The following NLRP1 variants were observed in gnomAD, a reference collection of about 807,000 sequenced individuals.
The protein encoded by NLRP1 is NACHT, LRR and PYD domains-containing protein 1.
NLRP1 carries 94 observed loss-of-function variants against 136.7 expected under a neutral mutation model. That is an observed-to-expected ratio of 0.69 (90% CI 0.58 to 0.82). NLRP1 has a LOEUF of 0.82. Among genes scored for constraint, NLRP1 ranks in the 40% least tolerant of loss-of-function variants. NLRP1 has a pLI of 0.00. For missense variants in NLRP1, 1,575 were observed against 1,802.7 expected (o/e 0.87, Z 2.29); for synonymous variants, 690 against 725.1 (o/e 0.95, Z 0.78).
chr17:5,530,445 C>T (rs755786339), intron 12 of NLRP1, 36 bp downstream of exon 12: 1 of 1,578,062 alleles, frequency 6.3e-7, no homozygotes, highest in South Asian at 1.1e-5. Context: ...CCCATAATTA[C>T]CACCACCTTC....
chr17:5,527,848 G>A (rs1406387889), intron 12 of NLRP1, among the ~76,000 whole-genome samples: 1 of 152,152 alleles, frequency 6.6e-6, no homozygotes, highest in Non-Finnish European at 1.5e-5. Flanking sequence ...GACAAATCCC[G>A]TCTCCCAGGC....
chr17:5,526,070 G>A (rs1039202739), intron 12 of NLRP1, among the ~76,000 whole-genome samples: 2 of 151,866 alleles, frequency 1.3e-5, no homozygotes, highest in Non-Finnish European at 2.9e-5. Flanking sequence ...GACCTTCCAG[G>A]CTCAAGTGCT....
chr17:5,579,071 T>C (rs1905302387), intron 3 of NLRP1, among the ~76,000 whole-genome samples: 1 of 151,668 alleles, frequency 6.6e-6, no homozygotes, highest in South Asian at 2.1e-4. Flanking sequence ...TGAGAACACC[T>C]GGACACAGGA....
At position 5,537,049 on chromosome 17, in the gene NLRP1, G is replaced by C; in HGVS notation, c.2871-109C>G. On this transcript the variant is annotated intron_variant, in intron 7 of 16. Transcript: ENST00000572272. This position sits in a 1 kb window ranked among gnomAD's most constrained non-coding sequence, Gnocchi z 4.5. Reference sequence around the variant, plus strand: ...CACCTTCTGAGGCAGCGGCCGCAGGGTGGGTTCCCTGGAAGCCAGGCTCTG... The same window carrying C: ...CACCTTCTGAGGCAGCGGCCGCAGGCTGGGTTCCCTGGAAGCCAGGCTCTG... The C allele has an allele frequency of 1.4e-6, 1 of 740,046 alleles. No individual in the cohort carries two copies. Among genetic ancestry groups the C allele is most frequent in the African/African-American group, 1.7e-5 (1 of 57,512 alleles). The allele number at this position is 740,046 out of a possible 1,614,324, so 45.8% of individuals were successfully genotyped here.
intron 5 of NLRP1, 133 bp from the exon 6 acceptor site, chr17:5,542,160 C>G: frequency 2.7e-6 from 2 of 745,866 alleles, no homozygotes; most frequent in Non-Finnish European, 4.3e-6. Context: ...CCCTCCCAGG[C>G]CCCAGAAATG....
At chr17:5,529,609 G>A (rs993222817) in intron 12 of NLRP1, among the ~76,000 whole-genome samples, 7 of 152,046 alleles carry the variant, frequency 4.6e-5, no homozygotes, top group East Asian at 1.9e-4. Context: ...CTCGTGATCC[G>A]CCCTCCTCGG....
chr17:5,550,997 T>C (rs1913286604), intron 5 of NLRP1, among the ~76,000 whole-genome samples: 1 of 152,158 alleles, frequency 6.6e-6, no homozygotes, highest in South Asian at 2.1e-4. Flanking sequence ...CACACTAGTA[T>C]ATTGTGGTGA....
chr17:5,554,021 C>A (rs528169949), intron 4 of NLRP1, among the ~76,000 whole-genome samples: 173 of 152,232 alleles, frequency 1.1e-3, no homozygotes, highest in African/African-American at 4.0e-3. Context: ...GTTCCTTTGG[C>A]ACAGACATTC....
downstream of NLRP1, chr17:5,512,327 G>A (rs1202595659): frequency 6.4e-6 from 9 of 1,401,850 alleles, no homozygotes; most frequent in East Asian, 1.6e-4. Flanking sequence ...TCGCCAAGAG[G>A]CGGGTCTACT....
intron 3 of NLRP1, among the ~76,000 whole-genome samples, chr17:5,563,181 C>A (rs971900773): frequency 5.9e-5 from 9 of 152,222 alleles, no homozygotes; most frequent in African/African-American, 2.2e-4. Context: ...CGAGAAAGAA[C>A]CAGCTCAAGA....
Position 5,581,845 on chromosome 17 carries a change from C to A in NLRP1, c.652+14G>T. The A allele has an allele frequency of 6.2e-7, 1 of 1,606,620 alleles. No individual in the cohort carries two copies. The highest frequency in any genetic ancestry group is 1.1e-5 in the South Asian group (1 of 90,842). On this transcript the variant is annotated intron_variant, in intron 3 of 16. Transcript: ENST00000572272. Reference sequence around the variant, plus strand: ...CCACCTCACCACCCCGCCAGGAGCTCAGTAGGGTCTCACCTGTGTAGTAAA... The same window carrying A: ...CCACCTCACCACCCCGCCAGGAGCTAAGTAGGGTCTCACCTGTGTAGTAAA...
At chr17:5,508,102 C>A (rs1419787640) in intron 15 of NLRP1, among the ~76,000 whole-genome samples, 1 of 151,654 alleles carries the variant, frequency 6.6e-6, no homozygotes, top group Admixed American at 6.6e-5. Context: ...TCATTGCACT[C>A]CAGCCTGGGG....
chr17:5,532,437 T>C (rs555049344), intron 11 of NLRP1, among the ~76,000 whole-genome samples: 117 of 152,284 alleles, frequency 7.7e-4, no homozygotes, highest in African/African-American at 2.3e-3. Context: ...TTTTTTGAGA[T>C]GCGTAATGAA....
At position 5,536,916 on chromosome 17, in the gene NLRP1, A is replaced by T; in HGVS notation, c.2895T>A (p.Asp965Glu). 6.2e-7 allele frequency: 1 copy of T among 1,613,650 alleles called. No individual in the cohort carries two copies. The highest frequency in any genetic ancestry group is 2.2e-5 in the East Asian group (1 of 44,856). Residue 965 changes from aspartate (D) to glutamate (E), a missense_variant, in exon 8 of 17, where the codon GAT becomes GAA. Physicochemically the swap from Asp to Glu is conservative, Grantham distance 45 (BLOSUM62 2). Coordinates refer to ENST00000572272, the MANE Select transcript of NLRP1 (RefSeq NM_033004.4). ...GGGCCCTCAGTTCCTGCCTCATCTCATCACTCAGAGTTGTCTGGTCCAGCC... is the reference window on the plus strand; with the variant it reads ...GGGCCCTCAGTTCCTGCCTCATCTCTTCACTCAGAGTTGTCTGGTCCAGCC... ...RLGLDQTTLS[D>E]EMRQELRALE...
rs767299041 is a variant in NLRP1, at chr17:5,536,957, A to G, written c.2871-17T>C. 6.3e-7 allele frequency: 1 copy of G among 1,588,986 alleles called. No individual in the cohort carries two copies. ...TGGTCCAGCCTGAAAGCACAAAGGG[A>G]GCCGGGTCCTCCTGGGATCCCCCAT... is the stretch of plus-strand genomic sequence containing the variant. On this transcript the variant is annotated splice_polypyrimidine_tract_variant and intron_variant, in intron 7 of 16. Coordinates refer to ENST00000572272, the MANE Select transcript of NLRP1 (RefSeq NM_033004.4).
In NLRP1 at chr17:5,530,680, G is replaced by C; in HGVS notation, c.3321C>G (p.Ser1107=). 2 of 1,614,136 alleles carry C rather than the reference G, an allele frequency of 1.2e-6. No individual in the cohort carries two copies. Among genetic ancestry groups the C allele is most frequent in the Non-Finnish European group, 1.7e-6 (2 of 1,180,004 alleles). ...AGAGACCCGTGTTGGGCCAGCGGTA[G>C]GAGCCAGCTACAGGGAAGTGAACTC... The part of the protein sequence containing the change: ...LYRVHFPVAG[S]YRWPNTGLCF... Residue 1107 remains serine (S), a synonymous_variant, in exon 12 of 17, where the codon TCC becomes TCG. Transcript: ENST00000572272.
In NLRP1 at chr17:5,515,072, G is replaced by C. The variant is rs202117967; in HGVS notation, c.4104C>G (p.Ala1368=). Reference sequence around the variant, plus strand: ...GCGGGGCATCCAGAGGTGAAGGTACGGCTGGCAACGAACAAAGAAGGGCTC... The same window carrying C: ...GCGGGGCATCCAGAGGTGAAGGTACCGCTGGCAACGAACAAAGAAGGGCTC... The part of the protein sequence containing the change: ...ATTLIPPARI[A]VPSPLDAPQL... The change falls in exon 17 of 17, where the codon GCC becomes GCG. Residue 1368 remains alanine, a splice_region_variant and synonymous_variant. Transcript: ENST00000572272. 16 of 1,613,140 alleles carry C rather than the reference G, an allele frequency of 9.9e-6. No homozygotes were observed. In the African/African-American group the frequency reaches 1.7e-4, roughly 17 times the overall value.
intron 5 of NLRP1, among the ~76,000 whole-genome samples, chr17:5,544,170 C>T (rs1225600976): frequency 6.6e-6 from 1 of 152,174 alleles, no homozygotes. Flanking sequence ...TGTTGTGGGG[C>T]CCCCACTCAA....
chr17:5,556,349 G>C (rs182677002), intron 4 of NLRP1, among the ~76,000 whole-genome samples: 2 of 151,792 alleles, frequency 1.3e-5, no homozygotes, highest in African/African-American at 2.4e-5. Context: ...AGCTCCTAGC[G>C]GGGCTGAGGT....
Sources: allele counts gnomAD v4.1 joint callset (sites outside exome capture counted in the v4.1 genomes callset), GRCh38; gene constraint gnomAD v4.1.1; non-coding constraint Gnocchi (gnomAD v3.1); transcripts MANE v1.5; gene names NCBI Gene and HGNC (gene_info 2026-07-23, HGNC 2026-07-21).